The following ERI1 variants were observed in gnomAD, a reference collection of about 807,000 sequenced individuals.
The protein encoded by ERI1 is 3'-5' exoribonuclease 1.
A neutral mutation model predicts 39.7 loss-of-function variants in ERI1; 39 were observed. The observed-to-expected ratio is 0.98, with a 90% CI of 0.76 to 1.28. The LOEUF (loss-of-function observed/expected upper bound fraction) is 1.28. Ranked by LOEUF, ERI1 falls within the 50% of genes most tolerant of loss-of-function variation. The pLI, the probability that ERI1 is intolerant of heterozygous loss-of-function variation, is 0.00. For missense variants in ERI1, 581 were observed against 416.9 expected (o/e 1.39, Z -3.43); for synonymous variants, 204 against 149.6 (o/e 1.36, Z -2.65).
chr8:9,018,215 C>T (rs904651746), intron 4 of ERI1, 82 bp from the exon 5 acceptor site: 8 of 701,128 alleles, frequency 1.1e-5, no homozygotes, highest in African/African-American at 5.3e-5. Context: ...GTTTCTTCCC[C>T]TCCAACTTAG....
At chr8:9,055,444 C>A (rs545962725) in intron 3 of ERI1, among the ~76,000 whole-genome samples, 10 of 152,334 alleles carry the variant, frequency 6.6e-5, no homozygotes, top group South Asian at 2.1e-4. Flanking sequence ...TGTTCAGATT[C>A]TTCTTGGCCT....
At chr8:9,035,891 A>G (rs928132490), downstream of ERI1, among the ~76,000 whole-genome samples, 8 of 152,214 alleles carry the variant, frequency 5.3e-5, no homozygotes, top group African/African-American at 1.2e-4. Context: ...AAAGATATCA[A>G]CCTTAACAGG....
chr8:9,060,865 C>T (rs1173378527), intron 3 of ERI1, among the ~76,000 whole-genome samples: 1 of 152,218 alleles, frequency 6.6e-6, no homozygotes, highest in Non-Finnish European at 1.5e-5. Flanking sequence ...ATGACCCCAG[C>T]TTCTTTTGGA....
chr8:9,034,452 C>T (rs946759923), downstream of ERI1, among the ~76,000 whole-genome samples: 2 of 152,150 alleles, frequency 1.3e-5, no homozygotes, highest in Non-Finnish European at 2.9e-5. Context: ...CACTTCATGT[C>T]TCATATTTTG....
chr8:9,012,878 C>A (rs947527270), intron 3 of ERI1, among the ~76,000 whole-genome samples: 4 of 151,994 alleles, frequency 2.6e-5, no homozygotes, highest in East Asian at 1.9e-4. Flanking sequence ...TTATCTCTTT[C>A]CTTTTCTTCC....
At chr8:9,069,211 A>G (rs1798976174) in intron 3 of ERI1, among the ~76,000 whole-genome samples, 1 of 152,244 alleles carries the variant, frequency 6.6e-6, no homozygotes, top group South Asian at 2.1e-4. Flanking sequence ...CAAAAATGTC[A>G]GAATTCACAA....
intron 1 of ERI1, among the ~76,000 whole-genome samples, chr8:9,005,513 T>C: frequency 6.7e-6 from 1 of 148,652 alleles, no homozygotes; most frequent in Non-Finnish European, 1.5e-5. Context: ...AGTTTTTTTA[T>C]GTTTTTTTTT....
Position 9,011,625 on chromosome 8 carries a change from A to G in ERI1, c.371A>G (p.Asp124Gly). Residue 124 changes from aspartate (D) to glycine (G), a missense_variant, in exon 3 of 7, where the codon GAC (aspartate) becomes GGC (glycine). Asp to Gly is a moderately conservative substitution (Grantham distance 94). Coordinates refer to ENST00000250263, the MANE Select transcript of ERI1 (RefSeq NM_153332.4). ...KLMLKESNFADSYYDYICIID... is the reference protein window; with the variant it reads ...KLMLKESNFAGSYYDYICIID... ...ATGCTGAAAGAGAGCAATTTTGCTG[A>G]CAGTTATTATGACTACATTTGTATT... 6.2e-7 allele frequency: 1 copy of G among 1,613,596 alleles called. No homozygotes were observed. The highest frequency in any genetic ancestry group is 1.3e-5 in the African/African-American group (1 of 75,056).
chr8:9,042,798 A>G lies in ERI1; in HGVS notation n.299+22334A>G, dbSNP rs556050041. Among the ~76,000 whole-genome samples the G allele has an allele frequency of 6.6e-5, 10 of 152,328 alleles. No homozygotes were observed. In the South Asian group the frequency reaches 8.3e-4, roughly 13 times the overall value. ...AGTGATGCTCAACGAATAAATATCA[A>G]TATAATACGGATATTCCAAGATCTG... is the stretch of plus-strand genomic sequence containing the variant. On this transcript the variant is annotated intron_variant and non_coding_transcript_variant, in intron 3 of 3. Coordinates refer to the ERI1 transcript ENST00000518663.
chr8:9,069,494 G>A (rs1260785184), intron 3 of ERI1, among the ~76,000 whole-genome samples: 1 of 152,114 alleles, frequency 6.6e-6, no homozygotes, highest in Non-Finnish European at 1.5e-5. Flanking sequence ...CCCTCTCTTA[G>A]TTATGGGCAT....
At chr8:9,089,530 A>G (rs1156247933) in intron 3 of ERI1, among the ~76,000 whole-genome samples, 1 of 152,196 alleles carries the variant, frequency 6.6e-6, no homozygotes, top group Non-Finnish European at 1.5e-5. Context: ...AGATGATGCA[A>G]ACTTCAGAGG....
intron 3 of ERI1, among the ~76,000 whole-genome samples, chr8:9,064,860 C>G (rs1585276035): frequency 6.6e-6 from 1 of 152,216 alleles, no homozygotes; most frequent in Admixed American, 6.5e-5. Flanking sequence ...GTTTATTTCA[C>G]CTGGGTGCAA....
At chr8:9,083,734 G>A (rs1799438075) in intron 3 of ERI1, among the ~76,000 whole-genome samples, 1 of 151,828 alleles carries the variant, frequency 6.6e-6, no homozygotes, top group African/African-American at 2.4e-5. Flanking sequence ...TGGGAGAATT[G>A]CTTGAATCCA....
chr8:9,071,269 A>G (rs2117426473), intron 3 of ERI1, among the ~76,000 whole-genome samples: 1 of 152,344 alleles, frequency 6.6e-6, no homozygotes, highest in African/African-American at 2.4e-5. Flanking sequence ...TAACTTGACA[A>G]AGCCATTTCT....
Position 9,008,065 on chromosome 8 carries a change from G to C in ERI1, c.204G>C (p.Glu68Asp), listed in dbSNP as rs749939141. 10 of 1,607,218 alleles carry C rather than the reference G, an allele frequency of 6.2e-6. No individual in the cohort carries two copies. The South Asian group carries it at 8.8e-5, about 14-fold the overall frequency. The change falls in exon 2 of 7, where the codon GAG (glutamate) becomes GAC (aspartate). Residue 68 changes from glutamate (E) to aspartate (D), a missense_variant. Transcript: ENST00000250263. ...ASDFSDPVYK[E>D]IAITNGCINR... ...ACTTCAGTGACCCGGTTTACAAAGA[G>C]ATTGCCATTACGAATGGCTGTATTA...
rs149209082 is a variant in ERI1 at position 9,030,546 on chromosome 8, G to A, written c.*512G>A. The A allele has an allele frequency of 1.9e-4, 30 of 157,534 alleles. No individual in the cohort carries two copies. Among genetic ancestry groups the A allele is most frequent in the Non-Finnish European group, 3.0e-4 (21 of 70,520 alleles). 9.8% of individuals were successfully genotyped at this position (157,534 alleles called of 1,614,324 possible). On this transcript the variant is annotated 3_prime_UTR_variant, in exon 7 of 7. Transcript: ENST00000250263. ...GTTCACCATGTATGTGGTGAATTTC[G>A]TAAGGTACTTGGTATACATATCTGC...
chr8:9,050,927 G>C (rs1798336944), intron 3 of ERI1, among the ~76,000 whole-genome samples: 1 of 152,110 alleles, frequency 6.6e-6, no homozygotes, highest in Non-Finnish European at 1.5e-5. Context: ...CTTTGTTAAG[G>C]CGTTGTTCTT....
chr8:9,050,250 A>G (rs187954271), intron 3 of ERI1, among the ~76,000 whole-genome samples: 50 of 152,186 alleles, frequency 3.3e-4, no homozygotes, highest in Non-Finnish European at 5.1e-4. Flanking sequence ...CCTCACACCT[A>G]TAATTCTAGC....
intron 5 of ERI1, 92 bp downstream of exon 5, chr8:9,018,498 T>C (rs962880445): frequency 9.7e-6 from 7 of 722,028 alleles, no homozygotes; most frequent in African/African-American, 3.6e-5. Flanking sequence ...CCACAAACTA[T>C]TATTAGAGAC....
Sources: gnomAD v4.1 joint callset for allele counts (sites outside exome capture counted in the v4.1 genomes callset) on GRCh38, gnomAD v4.1.1 for gene constraint, MANE v1.5 for transcripts, NCBI Gene and HGNC (gene_info 2026-07-23, HGNC 2026-07-21) for gene names.